Variants in ROBO2 observed in about 807,000 individuals in gnomAD.
ROBO2 encodes the protein roundabout guidance receptor 2, also known as roundabout homolog 2.
ROBO2 carries 53 observed loss-of-function variants against 160.8 expected under a neutral mutation model. The ratio of observed to expected loss-of-function variants is 0.33; its 90% CI spans 0.26 to 0.41. The LOEUF (loss-of-function observed/expected upper bound fraction) is 0.41. Among genes scored for constraint, ROBO2 ranks in the 10% least tolerant of loss-of-function variants. ROBO2 has a pLI of 1.00. For missense variants in ROBO2, 1,577 were observed against 1,722.4 expected, an observed-to-expected ratio of 0.92 and a Z score of 1.49; for synonymous variants, 664 against 611.7, an observed-to-expected ratio of 1.09 and a Z score of -1.26.
intron 16 of ROBO2, among the ~76,000 whole-genome samples, chr3:77,583,291 G>T (rs1458167687): frequency 6.6e-6 from 1 of 151,512 alleles, no homozygotes; most frequent in Admixed American, 6.6e-5. Flanking sequence ...AAAGTTATCT[G>T]TAGGTACAAA....
intron 2 of ROBO2, among the ~76,000 whole-genome samples, chr3:76,751,899 C>T (rs2060675756): frequency 6.6e-6 from 1 of 152,178 alleles, no homozygotes; most frequent in South Asian, 2.1e-4. Context: ...CCTCAAGGAT[C>T]TAGAACTAGA....
chr3:77,606,061 C>G (rs2094520713), intron 20 of ROBO2, among the ~76,000 whole-genome samples: 1 of 152,050 alleles, frequency 6.6e-6, no homozygotes, highest in Non-Finnish European at 1.5e-5. Context: ...GTTCATCTAC[C>G]TTAAAGACAA....
chr3:76,591,703 G>C (rs1222090056), intron 2 of ROBO2, among the ~76,000 whole-genome samples: 2 of 152,010 alleles, frequency 1.3e-5, no homozygotes, highest in Non-Finnish European at 2.9e-5. Context: ...CATTTTGTCA[G>C]CATATACCAG....
At chr3:76,706,390 C>A (rs2093163862) in intron 2 of ROBO2, among the ~76,000 whole-genome samples, 1 of 152,008 alleles carries the variant, frequency 6.6e-6, no homozygotes, top group Non-Finnish European at 1.5e-5. Context: ...ATTTCTGCCA[C>A]CCAAAATTCA....
chr3:75,947,046 T>C (rs1198331143), intron 2 of ROBO2, among the ~76,000 whole-genome samples: 3 of 151,984 alleles, frequency 2.0e-5, no homozygotes, highest in Admixed American at 6.6e-5. Context: ...GAAGTTGATT[T>C]GAAGGTGATT....
intron 2 of ROBO2, among the ~76,000 whole-genome samples, chr3:76,740,162 G>C (rs2093779128): frequency 6.6e-6 from 1 of 152,020 alleles, no homozygotes; most frequent in South Asian, 2.1e-4. Flanking sequence ...TTATTGATTT[G>C]AATCATAAAA....
At chr3:77,353,556 G>A (rs2068645816) in intron 2 of ROBO2, among the ~76,000 whole-genome samples, 3 of 152,112 alleles carry the variant, frequency 2.0e-5, no homozygotes, top group Admixed American at 2.0e-4. Flanking sequence ...TGTTGCCCAG[G>A]TTGGAGCACA....
intron 2 of ROBO2, among the ~76,000 whole-genome samples, chr3:76,532,974 T>C (rs572371872): frequency 7.2e-4 from 110 of 152,318 alleles, no homozygotes; most frequent in African/African-American, 2.6e-3. Flanking sequence ...AAGAAAATAA[T>C]CCATCCTATT....
Position 76,675,526 on chromosome 3 carries a change from A to AGATC in ROBO2, c.110-422487_110-422484dup, listed in dbSNP as rs1433466704. Among the ~76,000 whole-genome samples, 10 of 152,316 alleles carry AGATC rather than the reference A, an allele frequency of 6.6e-5. No individual in the cohort carries two copies. In the East Asian group the frequency reaches 1.9e-3, roughly 29 times the overall value. On this transcript the variant is annotated intron_variant, in intron 2 of 26. Transcript: ENST00000487694. ...AGGGTTCATGAATGCTTTGAAGTCC[A>AGATC]GATCTTACAATGACCTGCAAATTAA...
At chr3:77,097,037 C>A (rs901067166) in intron 1 of ROBO2, among the ~76,000 whole-genome samples, 2 of 152,136 alleles carry the variant, frequency 1.3e-5, no homozygotes, top group African/African-American at 4.8e-5. Context: ...TTCGATTGTA[C>A]AGACAGTCAT....
chr3:76,424,476 G>T (rs558257453), intron 2 of ROBO2, among the ~76,000 whole-genome samples: 5 of 152,258 alleles, frequency 3.3e-5, no homozygotes, highest in Admixed American at 3.3e-4. Flanking sequence ...TAGAAGCAGA[G>T]AGTAGAAGGG....
chr3:76,475,356 G>A lies in ROBO2; in HGVS notation c.109+537754G>A, dbSNP rs373483377. ...GATTTGAATGAGGATGAAGTGGAAG[G>A]AGAGACAATGAGGCCAAGGAGAGAC... On this transcript the variant is annotated intron_variant, in intron 2 of 26. Coordinates refer to the ROBO2 transcript ENST00000487694. Among the ~76,000 whole-genome samples the A allele has an allele frequency of 9.2e-5, 14 of 152,092 alleles. No individual in the cohort carries two copies. The East Asian group carries it at 2.7e-3, about 29-fold the overall frequency.
intron 2 of ROBO2, among the ~76,000 whole-genome samples, chr3:77,110,065 A>G (rs2073366726): frequency 6.6e-6 from 1 of 152,168 alleles, no homozygotes; most frequent in Non-Finnish European, 1.5e-5. Context: ...TTGACATTTG[A>G]GAGCTCATTA....
intron 1 of ROBO2, among the ~76,000 whole-genome samples, chr3:75,913,983 G>A (rs895089038): frequency 1.2e-4 from 19 of 152,150 alleles, no homozygotes; most frequent in Admixed American, 9.8e-4. Context: ...CTGTAACCTA[G>A]AAGAGGATCA....
chr3:76,802,457 G>T, intron 2 of ROBO2, among the ~76,000 whole-genome samples: 1 of 152,018 alleles, frequency 6.6e-6, no homozygotes, highest in Non-Finnish European at 1.5e-5. Context: ...GGCCGGGCGC[G>T]GTGGCTCACG....
At chr3:77,332,062 G>T (rs1282876354) in intron 2 of ROBO2, among the ~76,000 whole-genome samples, 2 of 152,092 alleles carry the variant, frequency 1.3e-5, no homozygotes, top group Non-Finnish European at 2.9e-5. Context: ...GATATCCTTT[G>T]TAGTCTGTAC....
chr3:75,997,301 A>G (rs1203770361), intron 2 of ROBO2, among the ~76,000 whole-genome samples: 1 of 152,214 alleles, frequency 6.6e-6, no homozygotes, highest in East Asian at 1.9e-4. Context: ...TTGAGCAGCT[A>G]GCTACATTTT....
intron 2 of ROBO2, among the ~76,000 whole-genome samples, chr3:76,518,711 T>C (rs981076051): frequency 6.6e-6 from 1 of 152,062 alleles, no homozygotes; most frequent in African/African-American, 2.4e-5. Flanking sequence ...AATAAGCAAA[T>C]TTTATTTATG....
At chr3:77,486,521 G>A (rs2085370414) in intron 4 of ROBO2, among the ~76,000 whole-genome samples, 1 of 123,866 alleles carries the variant, frequency 8.1e-6, no homozygotes, top group African/African-American at 2.8e-5. Context: ...AATCAGTGAT[G>A]TTGAACTTTT....
Sources: gnomAD v4.1 joint callset for allele counts (sites outside exome capture counted in the v4.1 genomes callset) on GRCh38, gnomAD v4.1.1 for gene constraint, MANE v1.5 for transcripts, NCBI Gene and HGNC (gene_info 2026-07-23, HGNC 2026-07-21) for gene names.